The following ACER3 variants were observed in gnomAD, a reference collection of about 807,000 sequenced individuals.
The protein encoded by ACER3 is alkCDase 3.
ACER3 carries 16 observed loss-of-function variants against 48.9 expected under a neutral mutation model. The ratio of observed to expected loss-of-function variants is 0.33; its 90% CI spans 0.22 to 0.50. The LOEUF is 0.50. Ranked by LOEUF, ACER3 falls within the 20% of genes least tolerant of loss-of-function variation. The pLI is 0.98. For missense variants in ACER3, 227 were observed against 326.0 expected (o/e 0.70, Z 2.34); for synonymous variants, 109 against 107.8 (o/e 1.01, Z -0.07).
At chr11:76,909,509 A>G (rs1312233172) in intron 1 of ACER3, among the ~76,000 whole-genome samples, 2 of 152,256 alleles carry the variant, frequency 1.3e-5, no homozygotes, top group Non-Finnish European at 2.9e-5. Context: ...GCCAACAAAC[A>G]TATGAAAAAA....
At chr11:76,933,702 A>G (rs1286403745) in intron 2 of ACER3, among the ~76,000 whole-genome samples, 2 of 152,230 alleles carry the variant, frequency 1.3e-5, no homozygotes, top group Admixed American at 6.5e-5. Flanking sequence ...AGACACAGCA[A>G]CCATCTGATT....
chr11:76,862,027 A>G (rs1944953838), intron 1 of ACER3, among the ~76,000 whole-genome samples: 1 of 152,098 alleles, frequency 6.6e-6, no homozygotes, highest in South Asian at 2.1e-4. Flanking sequence ...TCATTTAATC[A>G]GGTTTTGAGA....
intron 7 of ACER3, among the ~76,000 whole-genome samples, chr11:77,006,637 G>A (rs1327655537): frequency 1.1e-4 from 16 of 151,168 alleles, no homozygotes; most frequent in Non-Finnish European, 2.1e-4. Flanking sequence ...TTTTTTTTCA[G>A]AATTTGAAAA....
rs940377837 is a variant in ACER3 at position 76,957,485 on chromosome 11, C to T, written c.215-1494C>T. On this transcript the variant is annotated intron_variant, in intron 2 of 10. Coordinates refer to ENST00000532485, the MANE Select transcript of ACER3 (RefSeq NM_018367.7). ...TTGAGATGGAGTCTCACTCTGTCGC[C>T]GAGGCTGAAGTGCAGTGGCACAATC... 12 of 450,126 alleles carry T rather than the reference C, an allele frequency of 2.7e-5. No homozygotes were observed. The East Asian group carries it at 3.5e-4, about 13-fold the overall frequency. 27.9% of individuals were successfully genotyped at this position (450,126 alleles called of 1,614,324 possible).
intron 2 of ACER3, among the ~76,000 whole-genome samples, chr11:76,934,845 A>C (rs920772947): frequency 3.3e-5 from 5 of 152,192 alleles, no homozygotes; most frequent in Non-Finnish European, 5.9e-5. Context: ...ACCCCCCAAC[A>C]TGCAGCCTAT....
At chr11:76,941,103 T>C (rs1947333763) in intron 2 of ACER3, among the ~76,000 whole-genome samples, 1 of 152,070 alleles carries the variant, frequency 6.6e-6, no homozygotes, top group Non-Finnish European at 1.5e-5. Context: ...AACACAACTT[T>C]ACCTGGAAAC....
intron 7 of ACER3, among the ~76,000 whole-genome samples, chr11:77,004,317 T>C (rs751182530): frequency 3.9e-5 from 6 of 152,238 alleles, no homozygotes; most frequent in Non-Finnish European, 7.3e-5. Context: ...GACACTCTTA[T>C]TGGGCAGGAT....
chr11:76,999,634 C>T (rs561290539), intron 7 of ACER3, among the ~76,000 whole-genome samples: 11 of 152,196 alleles, frequency 7.2e-5, no homozygotes, highest in African/African-American at 2.6e-4. Context: ...CCTCACTCCT[C>T]ACTCCCTGTC....
At chr11:76,875,739 T>A in intron 1 of ACER3, among the ~76,000 whole-genome samples, 1 of 121,424 alleles carries the variant, frequency 8.2e-6, no homozygotes, top group South Asian at 2.7e-4. Context: ...GTTGTTTTTT[T>A]TTTTTTTTTT....
At chr11:76,938,480 G>C (rs761325421) in intron 2 of ACER3, among the ~76,000 whole-genome samples, 1 of 151,682 alleles carries the variant, frequency 6.6e-6, no homozygotes, top group Non-Finnish European at 1.5e-5. Context: ...CACTACACCC[G>C]GCTTACTTAT....
chr11:76,874,661 G>A (rs1164153604), intron 1 of ACER3, among the ~76,000 whole-genome samples: 2 of 152,170 alleles, frequency 1.3e-5, no homozygotes, highest in African/African-American at 2.4e-5. Context: ...CAAAAGCTAA[G>A]GTTTCCAGGA....
At chr11:76,872,812 G>A (rs7942185) in intron 1 of ACER3, among the ~76,000 whole-genome samples, 3,213 of 151,214 alleles carry the variant, frequency 0.021, 118 homozygotes, top group African/African-American at 0.074. Flanking sequence ...TGAGAATCTT[G>A]TAAAAACATA....
chr11:76,993,947 G>T (rs1174185970), intron 6 of ACER3, among the ~76,000 whole-genome samples: 1 of 152,188 alleles, frequency 6.6e-6, no homozygotes, highest in Admixed American at 6.5e-5. Flanking sequence ...CAGTCTGGGG[G>T]ATGGGGACCC....
chr11:76,915,235 A>G (rs1489524221), intron 1 of ACER3, among the ~76,000 whole-genome samples: 1 of 152,066 alleles, frequency 6.6e-6, no homozygotes, highest in Non-Finnish European at 1.5e-5. Flanking sequence ...AAAGACAGCA[A>G]AAGAAGACAG....
intron 1 of ACER3, among the ~76,000 whole-genome samples, chr11:76,874,485 C>T (rs1293241473): frequency 1.3e-5 from 2 of 151,664 alleles, no homozygotes; most frequent in African/African-American, 2.4e-5. Context: ...TTTGTGAACT[C>T]GGCTAGGCTA....
intron 1 of ACER3, among the ~76,000 whole-genome samples, chr11:76,918,908 A>G (rs1946608369): frequency 6.6e-6 from 1 of 152,172 alleles, no homozygotes; most frequent in Non-Finnish European, 1.5e-5. Flanking sequence ...TCCATCTCTG[A>G]AGTCTCTGAA....
At chr11:76,904,610 A>T (rs1427818013) in intron 1 of ACER3, among the ~76,000 whole-genome samples, 1 of 152,152 alleles carries the variant, frequency 6.6e-6, no homozygotes, top group Non-Finnish European at 1.5e-5. Context: ...CTCATATTTG[A>T]GTCAGAATAA....
chr11:76,994,200 C>T (rs376375285), intron 6 of ACER3: 2 of 452,700 alleles, frequency 4.4e-6, no homozygotes, highest in Non-Finnish European at 4.4e-6. Context: ...GGCACAATCT[C>T]GGCTCATTGG....
chr11:76,999,822 A>AG (rs1948991238), intron 7 of ACER3, among the ~76,000 whole-genome samples: 1 of 152,156 alleles, frequency 6.6e-6, no homozygotes, highest in South Asian at 2.1e-4. Flanking sequence ...GTAGTATTCC[A>AG]TGGTATAGAT....
Sources: gnomAD v4.1 joint callset for allele counts (sites outside exome capture counted in the v4.1 genomes callset) on GRCh38, gnomAD v4.1.1 for gene constraint, MANE v1.5 for transcripts, NCBI Gene and HGNC (gene_info 2026-07-23, HGNC 2026-07-21) for gene names.